Variants in UBE2U observed in about 807,000 individuals in gnomAD.
UBE2U encodes ubiquitin-conjugating enzyme E2 U.
A neutral mutation model predicts 41.2 loss-of-function variants in UBE2U; 39 were observed. The ratio of observed to expected loss-of-function variants is 0.95; its 90% CI spans 0.73 to 1.24. UBE2U has a LOEUF of 1.24. Among genes scored for constraint, UBE2U ranks in the 50% most tolerant of loss-of-function variants. UBE2U has a pLI of 0.00. For missense variants in UBE2U, 336 were observed against 363.1 expected, an observed-to-expected ratio of 0.93 and a Z score of 0.61; for synonymous variants, 107 against 117.8, an observed-to-expected ratio of 0.91 and a Z score of 0.60.
chr1:64,262,662 A>G (rs969871012), intron 9 of UBE2U, among the ~76,000 whole-genome samples: 20 of 152,188 alleles, frequency 1.3e-4, no homozygotes, highest in African/African-American at 4.6e-4. Flanking sequence ...AGCAAGTCTG[A>G]TAGCAAGATG....
intron 8 of UBE2U, among the ~76,000 whole-genome samples, chr1:64,250,350 A>T (rs1252626643): frequency 6.6e-6 from 1 of 152,218 alleles, no homozygotes; most frequent in Non-Finnish European, 1.5e-5. Context: ...AAGCCTTCAC[A>T]CAAAGACAAC....
At chr1:64,220,752 T>C (rs940887847) in intron 5 of UBE2U, 107 bp from the exon 6 acceptor site, 1 of 882,310 alleles carries the variant, frequency 1.1e-6, no homozygotes, top group Non-Finnish European at 1.8e-6. Context: ...TATATCTTAT[T>C]TTTATTCCTT....
At chr1:64,220,982 CA>C in intron 6 of UBE2U, 75 bp downstream of exon 6, 5 of 970,958 alleles carry the variant, frequency 5.1e-6, no homozygotes, top group Non-Finnish European at 6.1e-6. Flanking sequence ...TTATGTTTTT[CA>C]TCATAATTAA....
At chr1:64,248,225 T>G (rs1644952529) in intron 8 of UBE2U, among the ~76,000 whole-genome samples, 1 of 152,014 alleles carries the variant, frequency 6.6e-6, no homozygotes, top group South Asian at 2.1e-4. Flanking sequence ...CCTCTTTCTC[T>G]CCCCTCAGTC....
At chr1:64,214,254 G>A (rs867832159) in intron 4 of UBE2U, among the ~76,000 whole-genome samples, 27 of 152,164 alleles carry the variant, frequency 1.8e-4, no homozygotes, top group Admixed American at 6.5e-5. Flanking sequence ...TGGCTACTGA[G>A]CACTTGAAAT....
intron 9 of UBE2U, 142 bp downstream of exon 9, chr1:64,260,836 C>G (rs566325869): frequency 4.1e-5 from 23 of 561,774 alleles, no homozygotes; most frequent in Non-Finnish European, 6.7e-5. Flanking sequence ...GTTGCTTTAA[C>G]TTTTTCTGAC....
rs532291948 is a variant in UBE2U, at chr1:64,267,245, C to T, written c.*37C>T. 1.6e-4 allele frequency: 236 copies of T among 1,439,112 alleles called. No individual in the cohort carries two copies. Among genetic ancestry groups the T allele is most frequent in the African/African-American group, 7.1e-4 (49 of 68,648 alleles). The allele number at this position is 1,439,112 out of a possible 1,614,324, so 89.1% of individuals were successfully genotyped here. ...TCAGATTCAAAAAATAAACAGCCTC[C>T]GCCATAGCCCAGCGTTGTGGAGCAA... is the stretch of plus-strand genomic sequence containing the variant. On this transcript the variant is annotated 3_prime_UTR_variant, in exon 10 of 10. Coordinates refer to ENST00000371077, the MANE Select transcript of UBE2U (RefSeq NM_001366232.2).
chr1:64,239,181 G>GAAGAAGAAGA (rs1644784423), intron 7 of UBE2U, among the ~76,000 whole-genome samples: 10 of 134,614 alleles, frequency 7.4e-5, no homozygotes, highest in Admixed American at 6.0e-4. Context: ...AGAAGAAGAA[G>GAAGAAGAAGA]AAGAAGAAGA....
At chr1:64,239,147 GAAGAAGAAGAAA>G (rs1557730724) in intron 7 of UBE2U, among the ~76,000 whole-genome samples, 9 of 26,994 alleles carry the variant, frequency 3.3e-4, no homozygotes, top group Non-Finnish European at 5.3e-4. Flanking sequence ...AGAAGAAGAA[GAAGAAGAAGAAA>G]GAAGAAGAAG....
rs1645167923 is a variant in UBE2U at position 64,260,707 on chromosome 1, ACTCT to A, written c.769+14_769+17del. On this transcript the variant is annotated intron_variant, in intron 9 of 9. Transcript: ENST00000371077. ...TGCCCAACTCTAAGTAAATCGATTC[ACTCT>A]ATTTGTTTTGCTTTTATAAATAACA... 1 of 1,540,808 alleles carries A rather than the reference ACTCT, an allele frequency of 6.5e-7. No individual in the cohort carries two copies. The highest frequency in any genetic ancestry group is 1.4e-5 in the African/African-American group (1 of 72,614).
chr1:64,204,127 G>A lies in UBE2U; in HGVS notation c.66+11G>A, dbSNP rs200560980. 6.2e-7 allele frequency: 1 copy of A among 1,608,932 alleles called. No homozygotes were observed. The highest frequency in any genetic ancestry group is 2.2e-5 in the East Asian group (1 of 44,752). On this transcript the variant is annotated intron_variant, in intron 1 of 9. Coordinates refer to ENST00000371077, the MANE Select transcript of UBE2U (RefSeq NM_001366232.2). Reference sequence around the variant, plus strand: ...GAGAACAATTATAAGGTAAGTACTGGGCACGTGGAGAGATGTGTTTCATTG... The same window carrying A: ...GAGAACAATTATAAGGTAAGTACTGAGCACGTGGAGAGATGTGTTTCATTG...
intron 9 of UBE2U, 97 bp from the exon 10 acceptor site, chr1:64,266,927 T>C (rs1311613368): frequency 9.0e-7 from 1 of 1,112,858 alleles, no homozygotes; most frequent in African/African-American, 1.6e-5. Context: ...ATTCAGATGG[T>C]CTTTGGCATT....
At chr1:64,224,637 C>A (rs1456454475) in intron 6 of UBE2U, among the ~76,000 whole-genome samples, 1 of 151,666 alleles carries the variant, frequency 6.6e-6, no homozygotes, top group Non-Finnish European at 1.5e-5. Context: ...TCAGGAGAAT[C>A]GCTTGAACCC....
chr1:64,237,594 A>T (rs1644693599), intron 7 of UBE2U, among the ~76,000 whole-genome samples: 1 of 152,130 alleles, frequency 6.6e-6, no homozygotes, highest in Non-Finnish European at 1.5e-5. Flanking sequence ...TATCTAGACA[A>T]TTGGCTGTGT....
intron 9 of UBE2U, among the ~76,000 whole-genome samples, chr1:64,262,267 C>G (rs1306813036): frequency 2.0e-5 from 3 of 152,224 alleles, no homozygotes; most frequent in Admixed American, 6.5e-5. Context: ...GTATCATGCT[C>G]TATTTGTTTT....
At chr1:64,214,246 G>T (rs1438800865) in intron 4 of UBE2U, among the ~76,000 whole-genome samples, 2 of 152,098 alleles carry the variant, frequency 1.3e-5, no homozygotes, top group African/African-American at 4.8e-5. Flanking sequence ...GTCATATGTG[G>T]CTACTGAGCA....
rs972818189 is a variant in UBE2U at position 64,209,452 on chromosome 1, T to C, written c.242-1290T>C. 5.5e-4 allele frequency among the ~76,000 whole-genome samples: 84 copies of C among 152,198 alleles called. 6 individuals carry two copies. The highest frequency in any genetic ancestry group is 5.9e-5 in the Non-Finnish European group (4 of 68,028). On this transcript the variant is annotated intron_variant, in intron 3 of 9. Coordinates refer to ENST00000371077, the MANE Select transcript of UBE2U (RefSeq NM_001366232.2). ...TGACCATACTGGGTATAGTCTCTTT[T>C]GCTCCAGGCAGGAAACTTAGGCAGG...
At chr1:64,216,770 T>G (rs911111629) in intron 5 of UBE2U, among the ~76,000 whole-genome samples, 9 of 152,248 alleles carry the variant, frequency 5.9e-5, no homozygotes, top group Admixed American at 5.9e-4. Context: ...CTACCCTGAA[T>G]AGCTAGGTCT....
chr1:64,242,140 TCTC>T (rs1464316520), intron 8 of UBE2U, among the ~76,000 whole-genome samples: 1 of 152,148 alleles, frequency 6.6e-6, no homozygotes, highest in Non-Finnish European at 1.5e-5. Flanking sequence ...CATTGTTTCT[TCTC>T]CCACAGATTT....
Sources: allele counts gnomAD v4.1 joint callset (sites outside exome capture counted in the v4.1 genomes callset), GRCh38; gene constraint gnomAD v4.1.1; transcripts MANE v1.5; gene names NCBI Gene and HGNC (gene_info 2026-07-23, HGNC 2026-07-21).